The following MIPOL1 variants were observed in gnomAD, a reference collection of about 807,000 sequenced individuals.
MIPOL1 encodes mirror-image polydactyly 1.
In MIPOL1, 57 loss-of-function variants were observed where a neutral mutation model predicts 60.9. The observed-to-expected ratio is 0.94, with a 90% confidence interval of 0.76 to 1.17. The LOEUF (loss-of-function observed/expected upper bound fraction) is 1.17, where lower values mean the gene tolerates loss of function less well. MIPOL1 is among the 50% of genes most tolerant of loss of function. The probability of loss-of-function intolerance (pLI) is 0.00; values close to 1 mark genes in which losing one functional copy is unlikely to be tolerated. For synonymous variants in MIPOL1, 179 were observed against 168.8 expected (o/e 1.06, Z -0.47); for missense variants, 551 against 511.6 (o/e 1.08, Z -0.74).
chr14:37,312,226 A>G (rs1950527), intron 9 of MIPOL1, among the ~76,000 whole-genome samples: 81,160 of 151,782 alleles, frequency 0.53, 24,333 homozygotes, highest in Non-Finnish European at 0.66. Flanking sequence ...TCTTCCCTCA[A>G]CCTCACAAGT....
intron 11 of MIPOL1, among the ~76,000 whole-genome samples, chr14:37,494,048 C>G (rs2095082947): frequency 6.6e-6 from 1 of 152,084 alleles, no homozygotes; most frequent in South Asian, 2.1e-4. Context: ...AAGGAAAGAC[C>G]ATTCTGAGGA....
chr14:37,418,865 G>A (rs1358943195), intron 10 of MIPOL1, among the ~76,000 whole-genome samples: 2 of 151,904 alleles, frequency 1.3e-5, no homozygotes, highest in African/African-American at 4.8e-5. Context: ...TATCATTATA[G>A]GCAGAAAGTT....
At chr14:37,404,916 A>T (rs960008128) in intron 10 of MIPOL1, among the ~76,000 whole-genome samples, 8 of 152,146 alleles carry the variant, frequency 5.3e-5, no homozygotes, top group Non-Finnish European at 1.2e-4. Context: ...CCAATCTGTG[A>T]AAAAGAAGGG....
At chr14:37,224,297 T>C (rs972390520) in intron 1 of MIPOL1, among the ~76,000 whole-genome samples, 13 of 152,078 alleles carry the variant, frequency 8.5e-5, no homozygotes. Flanking sequence ...CTGGGCAACA[T>C]AGCAAGACCC....
chr14:37,227,302 T>C (rs1343527836), intron 1 of MIPOL1, among the ~76,000 whole-genome samples: 1 of 152,128 alleles, frequency 6.6e-6, no homozygotes, highest in Non-Finnish European at 1.5e-5. Flanking sequence ...CCCAAAGAGG[T>C]GATCAATTAA....
At chr14:37,471,755 C>T (rs965015433) in intron 11 of MIPOL1, among the ~76,000 whole-genome samples, 2 of 152,050 alleles carry the variant, frequency 1.3e-5, no homozygotes, top group African/African-American at 2.4e-5. Context: ...TACCATAGGC[C>T]TTTGTACGTG....
intron 6 of MIPOL1, among the ~76,000 whole-genome samples, chr14:37,274,570 C>G (rs1204900404): frequency 6.6e-6 from 1 of 151,364 alleles, no homozygotes; most frequent in Non-Finnish European, 1.5e-5. Flanking sequence ...GATTTGGGAT[C>G]TCAGGCATTT....
chr14:37,320,113 A>G (rs2088404664), intron 9 of MIPOL1, among the ~76,000 whole-genome samples: 1 of 152,182 alleles, frequency 6.6e-6, no homozygotes, highest in Non-Finnish European at 1.5e-5. Context: ...ATGAAGTATT[A>G]TAGAGATTCT....
intron 1 of MIPOL1, among the ~76,000 whole-genome samples, chr14:37,204,190 G>A (rs1170198965): frequency 6.6e-6 from 1 of 152,004 alleles, no homozygotes; most frequent in African/African-American, 2.4e-5. Flanking sequence ...TTCGATTCCA[G>A]CCTTTTGAGA....
intron 10 of MIPOL1, among the ~76,000 whole-genome samples, chr14:37,394,961 C>T (rs1031946286): frequency 6.6e-6 from 1 of 152,096 alleles, no homozygotes; most frequent in Non-Finnish European, 1.5e-5. Context: ...AGATAAGAAT[C>T]CAGTTTCATT....
In MIPOL1 at chr14:37,201,021, G is replaced by T. The variant is rs149942422; in HGVS notation, c.-199+2917G>T. ...GGGCTGAAGTGATCCTCTCACCTCGGCTTCCCAAGTAGCTAGGGTTACAGG... is the reference window on the plus strand; with the variant it reads ...GGGCTGAAGTGATCCTCTCACCTCGTCTTCCCAAGTAGCTAGGGTTACAGG... On this transcript the variant is annotated intron_variant, in intron 1 of 12. Coordinates refer to ENST00000684589, the MANE Select transcript of MIPOL1 (RefSeq NM_001388067.1). Among the ~76,000 whole-genome samples, 634 of 151,060 alleles carry T rather than the reference G, an allele frequency of 4.2e-3. 5 individuals carry two copies. Among genetic ancestry groups the T allele is most frequent in the African/African-American group, 0.014 (590 of 41,074 alleles).
chr14:37,489,494 C>T (rs953206324), intron 11 of MIPOL1, among the ~76,000 whole-genome samples: 1 of 152,286 alleles, frequency 6.6e-6, no homozygotes, highest in Non-Finnish European at 1.5e-5. Flanking sequence ...CCCTTGCTGG[C>T]AATGAGCTGT....
chr14:37,477,980 T>C lies in MIPOL1; in HGVS notation c.1032-21928T>C, dbSNP rs77836042. ...GTCTAAATGGTCTGCAGATGCCCCA[T>C]TGGGAACAATGATAAGAAAAAGAAG... On this transcript the variant is annotated intron_variant, in intron 11 of 12. Transcript: ENST00000684589. Among the ~76,000 whole-genome samples, 1,497 of 152,344 alleles carry C rather than the reference T, an allele frequency of 9.8e-3. 25 individuals are homozygous for C. Among genetic ancestry groups the C allele is most frequent in the African/African-American group, 0.032 (1,324 of 41,578 alleles).
At chr14:37,463,030 C>A (rs2094557869) in intron 11 of MIPOL1, among the ~76,000 whole-genome samples, 2 of 152,172 alleles carry the variant, frequency 1.3e-5, no homozygotes, top group Non-Finnish European at 1.5e-5. Flanking sequence ...CTGTATTAGT[C>A]TGTTTTCATG....
At chr14:37,526,764 G>A (rs2095450289) in intron 12 of MIPOL1, among the ~76,000 whole-genome samples, 2 of 151,934 alleles carry the variant, frequency 1.3e-5, no homozygotes, top group Non-Finnish European at 2.9e-5. Context: ...TAGTTCTTTC[G>A]ATAAATCTGT....
At chr14:37,501,431 C>G (rs2095213573) in intron 12 of MIPOL1, 1 of 152,032 alleles carries the variant, frequency 6.6e-6, no homozygotes. Flanking sequence ...CTATACATGA[C>G]CAAAATTCCC....
intron 1 of MIPOL1, among the ~76,000 whole-genome samples, chr14:37,198,429 C>T (rs1489083059): frequency 6.6e-6 from 1 of 152,038 alleles, no homozygotes; most frequent in East Asian, 1.9e-4. Context: ...CGCGGTTAGT[C>T]AGAAGGTTCC....
rs111566996 is a variant in MIPOL1, at chr14:37,494,389, A to G, written c.1032-5519A>G. Among the ~76,000 whole-genome samples, 464 of 152,336 alleles carry G rather than the reference A, an allele frequency of 3.0e-3. 3 individuals are homozygous for G. Among genetic ancestry groups the G allele is most frequent in the African/African-American group, 0.01 (431 of 41,590 alleles). ...TTAGATTGAAGACCCACGTAGGTGT[A>G]TCTAAGAAAGTGATATTTTTGCTTT... On this transcript the variant is annotated intron_variant, in intron 11 of 12. Coordinates refer to ENST00000684589, the MANE Select transcript of MIPOL1 (RefSeq NM_001388067.1).
In MIPOL1 at chr14:37,449,707, A is replaced by G. The variant is rs2094389561; in HGVS notation, c.1031+26758A>G. On this transcript the variant is annotated intron_variant, in intron 11 of 12. Coordinates refer to ENST00000684589, the MANE Select transcript of MIPOL1 (RefSeq NM_001388067.1). ...TTAACCAAGTACTTAAAATTGTACC[A>G]TATTTTGGGCTTCTTTCTTACTTGA... Among the ~76,000 whole-genome samples the G allele has an allele frequency of 2.0e-5, 3 of 152,128 alleles. No homozygotes were observed. In the South Asian group the frequency reaches 6.2e-4, roughly 32 times the overall value.
Sources: gnomAD v4.1 joint callset for allele counts (sites outside exome capture counted in the v4.1 genomes callset) on GRCh38, gnomAD v4.1.1 for gene constraint, MANE v1.5 for transcripts, NCBI Gene and HGNC (gene_info 2026-07-23, HGNC 2026-07-21) for gene names.